UNC13C: variants seen among roughly 807,000 people sequenced by gnomAD.
UNC13C encodes unc-13 homolog C, also known as protein unc-13 homolog C.
A neutral mutation model predicts 245.4 loss-of-function variants in UNC13C; 174 were observed. That is an observed-to-expected ratio of 0.71 (90% CI 0.63 to 0.80). The LOEUF (loss-of-function observed/expected upper bound fraction) is 0.80. Among genes scored for constraint, UNC13C ranks in the 30% least tolerant of loss-of-function variants. The probability of loss-of-function intolerance (pLI) is 0.00; values close to 1 mark genes in which losing one functional copy is unlikely to be tolerated. For missense variants in UNC13C, 2,829 were observed against 2,602.9 expected, an observed-to-expected ratio of 1.09 and a Z score of -1.89; for synonymous variants, 992 against 895.1, an observed-to-expected ratio of 1.11 and a Z score of -1.93.
intron 17 of UNC13C, among the ~76,000 whole-genome samples, chr15:54,346,484 A>G (rs1022008734): frequency 6.6e-5 from 10 of 152,242 alleles, no homozygotes; most frequent in Non-Finnish European, 1.3e-4. Context: ...GCCTGAAACA[A>G]GAAATTAAGA....
chr15:54,282,873 C>G (rs1255671068), intron 10 of UNC13C, among the ~76,000 whole-genome samples: 3 of 152,086 alleles, frequency 2.0e-5, no homozygotes, highest in African/African-American at 7.2e-5. Flanking sequence ...GTCTCATTGT[C>G]TCTCCCTCAA....
At chr15:54,319,366 G>C (rs1174714089) in intron 13 of UNC13C, among the ~76,000 whole-genome samples, 1 of 147,742 alleles carries the variant, frequency 6.8e-6, no homozygotes, top group Non-Finnish European at 1.5e-5. Flanking sequence ...AATATTTTTT[G>C]TTAAATAAAT....
intron 1 of UNC13C, among the ~76,000 whole-genome samples, chr15:53,998,110 G>C (rs537711006): frequency 2.0e-5 from 3 of 151,962 alleles, no homozygotes; most frequent in African/African-American, 4.8e-5. Context: ...GCCCAATCTT[G>C]TTCTTTTTAT....
chr15:54,024,633 T>C (rs963851853), intron 2 of UNC13C, among the ~76,000 whole-genome samples: 18 of 152,072 alleles, frequency 1.2e-4, no homozygotes, highest in Non-Finnish European at 1.5e-4. Flanking sequence ...AAATATGCTA[T>C]GAATGCCGGG....
At chr15:54,449,810 T>C (rs1301501480) in intron 19 of UNC13C, among the ~76,000 whole-genome samples, 1 of 152,222 alleles carries the variant, frequency 6.6e-6, no homozygotes, top group East Asian at 1.9e-4. Flanking sequence ...GTTCCACTGC[T>C]GGTGAGGAGC....
Position 54,500,828 on chromosome 15 carries a change from C to G in UNC13C, c.5158-7C>G, listed in dbSNP as rs754861299. ...GTTTGGGATGGTTTCACCTCCTCTC[C>G]CCACAGTTCCAGCAGACATCTGAGC... On this transcript the variant is annotated splice_polypyrimidine_tract_variant and splice_region_variant and intron_variant, in intron 21 of 32. Coordinates refer to ENST00000260323, the MANE Select transcript of UNC13C (RefSeq NM_001080534.3). 12 of 1,612,058 alleles carry G rather than the reference C, an allele frequency of 7.4e-6. No homozygotes were observed. The highest frequency in any genetic ancestry group is 1.0e-5 in the Non-Finnish European group (12 of 1,178,832).
At chr15:54,127,979 C>G (rs1213559328) in intron 2 of UNC13C, among the ~76,000 whole-genome samples, 4 of 151,632 alleles carry the variant, frequency 2.6e-5, no homozygotes, top group Non-Finnish European at 5.9e-5. Flanking sequence ...GTCGAAATAT[C>G]TCTCTCCTCT....
At chr15:53,860,259 T>C in the UNC13C span, among the ~76,000 whole-genome samples, 1 of 117,216 alleles carries the variant, frequency 8.5e-6, no homozygotes, top group Admixed American at 8.2e-5. Context: ...ATGTGATAAC[T>C]CACATGATAT....
At chr15:53,949,151 AT>A in the UNC13C span, among the ~76,000 whole-genome samples, 1 of 152,194 alleles carries the variant, frequency 6.6e-6, no homozygotes, top group Non-Finnish European at 1.5e-5. Flanking sequence ...TTGGCACCTT[AT>A]TAAGAACTTA....
intron 8 of UNC13C, among the ~76,000 whole-genome samples, chr15:54,255,603 C>T (rs997704402): frequency 1.3e-5 from 2 of 152,250 alleles, no homozygotes; most frequent in Non-Finnish European, 1.5e-5. Context: ...CTCCACATCC[C>T]GCTGCCTATG....
intron 4 of UNC13C, among the ~76,000 whole-genome samples, chr15:54,198,690 G>A (rs2034432743): frequency 6.6e-6 from 1 of 152,080 alleles, no homozygotes; most frequent in South Asian, 2.1e-4. Context: ...AGCACTCCGT[G>A]GGACAAAAGA....
chr15:54,343,060 T>G (rs16974522), intron 17 of UNC13C, among the ~76,000 whole-genome samples: 46,177 of 152,008 alleles, frequency 0.3, 7,249 homozygotes, highest in Non-Finnish European at 0.34. Context: ...TTTTACATTT[T>G]TCAACATCAT....
rs577034649 is a variant in UNC13C at position 54,482,603 on chromosome 15, CT to C, written c.4934-12003del. 1.5e-3 allele frequency among the ~76,000 whole-genome samples: 236 copies of C among 152,350 alleles called. 1 individual carries two copies. The highest frequency in any genetic ancestry group is 5.5e-3 in the African/African-American group (228 of 41,580). Reference sequence around the variant, plus strand: ...TCCTCGCCTCAGAAGTTCTCTGTCTCTTCCCTGCTGAATTCCACTGTTCTCT... The same window carrying C: ...TCCTCGCCTCAGAAGTTCTCTGTCTCTCCCTGCTGAATTCCACTGTTCTCT... On this transcript the variant is annotated intron_variant, in intron 19 of 32. Transcript: ENST00000260323.
chr15:54,612,742 C>T (rs1281405299), intron 30 of UNC13C, among the ~76,000 whole-genome samples: 1 of 151,904 alleles, frequency 6.6e-6, no homozygotes, highest in Non-Finnish European at 1.5e-5. Flanking sequence ...TGAAAAATCA[C>T]ATTTTAAAGC....
intron 2 of UNC13C, among the ~76,000 whole-genome samples, chr15:54,047,116 A>C (rs965217972): frequency 7.2e-5 from 11 of 152,090 alleles, no homozygotes; most frequent in African/African-American, 2.7e-4. Flanking sequence ...GATGATTAAG[A>C]CTAGTCAAAC....
rs752110080 is a variant in UNC13C, at chr15:54,237,622, C to T, written c.3160C>T (p.Leu1054=). Residue 1054 remains leucine (L), a synonymous_variant, in exon 7 of 33, where the codon CTG becomes TTG. Coordinates refer to ENST00000260323, the MANE Select transcript of UNC13C (RefSeq NM_001080534.3). ...GTCATAATTCTGTTTGTTTTAGACC[C>T]TGGCTGCCCGGAAATCTGGACTCTC... ...LPIVRDVAMT[L]AARKSGLSLA... is the part of the protein sequence containing the mutation. 4 of 1,611,344 alleles carry T rather than the reference C, an allele frequency of 2.5e-6. No individual in the cohort carries two copies. The highest frequency in any genetic ancestry group is 3.4e-6 in the Non-Finnish European group (4 of 1,178,890).
intron 2 of UNC13C, among the ~76,000 whole-genome samples, chr15:54,066,590 G>C (rs750007714): frequency 6.6e-6 from 1 of 152,140 alleles, no homozygotes. Context: ...GCACTCCTCC[G>C]TTGAGGAAAT....
At position 54,250,462 on chromosome 15, in the gene UNC13C, C is replaced by A; in HGVS notation, c.3448+18C>A. On this transcript the variant is annotated intron_variant, in intron 8 of 32. Coordinates refer to ENST00000260323, the MANE Select transcript of UNC13C (RefSeq NM_001080534.3). ...CTTGCAGAGTGAGTACTTGGTTTGG[C>A]TGAAAAAGTGGTATGCAGAGCCTGC... 2 of 1,582,418 alleles carry A rather than the reference C, an allele frequency of 1.3e-6. No homozygotes were observed. The highest frequency in any genetic ancestry group is 1.2e-5 in the South Asian group (1 of 85,704).
chr15:54,134,436 GTGCGTT>G (rs2031620086), intron 2 of UNC13C, among the ~76,000 whole-genome samples: 1 of 129,610 alleles, frequency 7.7e-6, no homozygotes, highest in South Asian at 2.4e-4. Context: ...GTGTGTGTGT[GTGCGTT>G]TGTGTGTGTA....
Sources: allele counts gnomAD v4.1 joint callset (sites outside exome capture counted in the v4.1 genomes callset), GRCh38; gene constraint gnomAD v4.1.1; transcripts MANE v1.5; gene names NCBI Gene and HGNC (gene_info 2026-07-23, HGNC 2026-07-21).